Variants in CFAP95 observed in about 807,000 individuals in gnomAD.
The protein encoded by CFAP95 is cilia and flagella associated protein 95, also known as cilia- and flagella-associated protein 95.
chr9:69,834,198 C>T, the CFAP95 span, among the ~76,000 whole-genome samples: 5 of 152,132 alleles, frequency 3.3e-5, no homozygotes, highest in Admixed American at 3.3e-4. Flanking sequence ...ATGTACAGTG[C>T]CCCTTAAAAA....
At chr9:69,831,851 C>A in the CFAP95 span, among the ~76,000 whole-genome samples, 1 of 152,072 alleles carries the variant, frequency 6.6e-6, no homozygotes, top group Non-Finnish European at 1.5e-5. Flanking sequence ...TCTTGTGATG[C>A]AGAATGTGTG....
the CFAP95 span, among the ~76,000 whole-genome samples, chr9:69,893,513 G>T: frequency 6.6e-6 from 1 of 152,076 alleles, no homozygotes; most frequent in Non-Finnish European, 1.5e-5. Flanking sequence ...TTGTATCTTT[G>T]CTTCATTCCA....
the CFAP95 span, among the ~76,000 whole-genome samples, chr9:69,871,396 G>A: frequency 6.6e-6 from 1 of 152,028 alleles, no homozygotes; most frequent in South Asian, 2.1e-4. Context: ...CATGTAGATG[G>A]TATGAAAGGT....
the CFAP95 span, among the ~76,000 whole-genome samples, chr9:69,836,407 G>A: frequency 6.6e-6 from 1 of 152,110 alleles, no homozygotes; most frequent in Non-Finnish European, 1.5e-5. Context: ...CTAGACACTG[G>A]TAGCACTCTC....
chr9:69,888,261 C>A, the CFAP95 span, among the ~76,000 whole-genome samples: 1 of 151,892 alleles, frequency 6.6e-6, no homozygotes, highest in South Asian at 2.1e-4. Context: ...GGGTTTAGGA[C>A]GCCACCTTCA....
At chr9:69,889,127 C>A in the CFAP95 span, among the ~76,000 whole-genome samples, 1 of 152,168 alleles carries the variant, frequency 6.6e-6, no homozygotes, top group Non-Finnish European at 1.5e-5. Context: ...GCTGCTTTTG[C>A]TCCTTCTTGT....
At chr9:69,863,447 A>G in the CFAP95 span, among the ~76,000 whole-genome samples, 1 of 152,120 alleles carries the variant, frequency 6.6e-6, no homozygotes, top group African/African-American at 2.4e-5. Context: ...AAGAGTTTTT[A>G]TTTGCCTTCC....
At chr9:69,855,088 G>T in the CFAP95 span, among the ~76,000 whole-genome samples, 3 of 152,138 alleles carry the variant, frequency 2.0e-5, no homozygotes, top group Admixed American at 2.0e-4. Flanking sequence ...CTGAGACCAT[G>T]ATTAATATTA....
chr9:69,894,631 A>G, the CFAP95 span, among the ~76,000 whole-genome samples: 2 of 152,224 alleles, frequency 1.3e-5, no homozygotes, highest in South Asian at 4.1e-4. Flanking sequence ...GAGTTTAAGT[A>G]TGAGTAATAA....
the CFAP95 span, among the ~76,000 whole-genome samples, chr9:69,843,434 C>T: frequency 8.1e-6 from 1 of 123,358 alleles, no homozygotes; most frequent in Admixed American, 8.1e-5. Context: ...TCCTCTTCTT[C>T]CTTCTTCCCC....
At chr9:69,820,842 T>C in the CFAP95 span, 7 of 1,602,474 alleles carry the variant, frequency 4.4e-6, no homozygotes, top group African/African-American at 5.4e-5. Context: ...GACAGGTGCA[T>C]AGGGAACTCC....
At chr9:69,849,589 A>G in the CFAP95 span, among the ~76,000 whole-genome samples, 1 of 152,146 alleles carries the variant, frequency 6.6e-6, no homozygotes, top group Non-Finnish European at 1.5e-5. Flanking sequence ...TGACAGGAAG[A>G]ACATCAGGAT....
At chr9:69,829,026 C>A in the CFAP95 span, among the ~76,000 whole-genome samples, 1 of 152,138 alleles carries the variant, frequency 6.6e-6, no homozygotes, top group African/African-American at 2.4e-5. Flanking sequence ...TTAAAAATAT[C>A]TTTTTAATTG....
the CFAP95 span, among the ~76,000 whole-genome samples, chr9:69,831,773 AGTACTACCCTT>A: frequency 6.6e-6 from 1 of 152,222 alleles, no homozygotes; most frequent in East Asian, 1.9e-4. Context: ...AACCGAGAGC[AGTACTACCCTT>A]TCCCCAAGAG....
chr9:69,836,951 A>G, the CFAP95 span, among the ~76,000 whole-genome samples: 4 of 149,052 alleles, frequency 2.7e-5, no homozygotes, highest in East Asian at 4.0e-4. Context: ...TCATTGTTCA[A>G]TTCCCACCTA....
chr9:69,869,499 T>C, the CFAP95 span, among the ~76,000 whole-genome samples: 4 of 152,148 alleles, frequency 2.6e-5, no homozygotes, highest in Non-Finnish European at 5.9e-5. Context: ...GTTTCAGTCA[T>C]GCAAGATGAA....
chr9:69,821,049 G>T, the CFAP95 span: 4 of 1,610,330 alleles, frequency 2.5e-6, no homozygotes, highest in Admixed American at 1.7e-5. Flanking sequence ...AAGTCCCCTC[G>T]CAAGTTCCCG....
the CFAP95 span, among the ~76,000 whole-genome samples, chr9:69,832,620 A>ATTTTTTTTTTTTTTTTTTT: frequency 4.4e-4 from 5 of 11,350 alleles, no homozygotes; most frequent in East Asian, 4.9e-3. Flanking sequence ...GTCTATTCGG[A>ATTTTTTTTTTTTTTTTTTT]TTTTTTTTTT....
At chr9:69,876,588 G>A in the CFAP95 span, among the ~76,000 whole-genome samples, 1 of 151,890 alleles carries the variant, frequency 6.6e-6, no homozygotes, top group African/African-American at 2.4e-5. Flanking sequence ...ATCCTCTTTT[G>A]GTTAGATTTA....
Sources: gnomAD v4.1 joint callset for allele counts (sites outside exome capture counted in the v4.1 genomes callset) on GRCh38, gnomAD v4.1.1 for gene constraint, MANE v1.5 for transcripts, NCBI Gene and HGNC (gene_info 2026-07-23, HGNC 2026-07-21) for gene names.